C17orf67: variants seen among roughly 807,000 people sequenced by gnomAD.
C17orf67 encodes the protein uncharacterized protein C17orf67.
Under a neutral mutation model 11.2 loss-of-function variants are expected in C17orf67, and 12 were observed. That is an observed-to-expected ratio of 1.07 (90% CI 0.68 to 1.73). The LOEUF (loss-of-function observed/expected upper bound fraction) is 1.73, where lower values mean the gene tolerates loss of function less well. Ranked by LOEUF, C17orf67 falls within the 40% of genes most tolerant of loss-of-function variation. The probability of loss-of-function intolerance (pLI) is 0.00; values close to 1 mark genes in which losing one functional copy is unlikely to be tolerated. For synonymous variants in C17orf67, 59 were observed against 46.9 expected (o/e 1.26, Z -1.05); for missense variants, 115 against 113.5 (o/e 1.01, Z -0.06).
At chr17:56,801,011 C>T (rs1400877281) in intron 6 of C17orf67, among the ~76,000 whole-genome samples, 6 of 152,214 alleles carry the variant, frequency 3.9e-5, no homozygotes, top group Non-Finnish European at 2.9e-5. Context: ...ATCGTGCCAC[C>T]GCACTCCAGC....
intron 6 of C17orf67, among the ~76,000 whole-genome samples, chr17:56,811,258 A>G (rs1256708767): frequency 6.6e-6 from 1 of 152,198 alleles, no homozygotes; most frequent in Non-Finnish European, 1.5e-5. Flanking sequence ...TATAGATGAA[A>G]AAACTAGGCT....
At chr17:56,822,085 T>G (rs1363941759) in intron 4 of C17orf67, among the ~76,000 whole-genome samples, 1 of 152,258 alleles carries the variant, frequency 6.6e-6, no homozygotes, top group Non-Finnish European at 1.5e-5. Context: ...TTCAGCTGAC[T>G]TCCAGCTACC....
At chr17:56,821,047 C>A (rs796365451) in intron 4 of C17orf67, among the ~76,000 whole-genome samples, 3 of 152,008 alleles carry the variant, frequency 2.0e-5, no homozygotes, top group South Asian at 4.2e-4. Context: ...ATAGCTGGAA[C>A]CACAGGCGTG....
At chr17:56,815,034 G>T in intron 5 of C17orf67, 65 bp from the exon 6 acceptor site, 2 of 1,342,378 alleles carry the variant, frequency 1.5e-6, no homozygotes, top group Non-Finnish European at 2.1e-6. Context: ...CATCTCAACA[G>T]TCCAAGGCAA....
At chr17:56,806,656 G>A (rs1312633802) in intron 6 of C17orf67, among the ~76,000 whole-genome samples, 1 of 152,150 alleles carries the variant, frequency 6.6e-6, no homozygotes, top group Non-Finnish European at 1.5e-5. Context: ...CTCCTGAGTA[G>A]CTGGAACTAC....
intron 2 of C17orf67, among the ~76,000 whole-genome samples, chr17:56,832,136 C>T (rs1000203214): frequency 3.3e-5 from 5 of 152,070 alleles, no homozygotes; most frequent in African/African-American, 9.7e-5. Flanking sequence ...TTAGTAGAGA[C>T]GGGGTTTCAC....
chr17:56,818,269 T>C (rs1023809120), intron 4 of C17orf67, among the ~76,000 whole-genome samples: 1 of 152,240 alleles, frequency 6.6e-6, no homozygotes, highest in African/African-American at 2.4e-5. Context: ...AGAACACTAT[T>C]TTGTTTTATC....
chr17:56,829,388 A>G (rs1407278712), intron 2 of C17orf67, among the ~76,000 whole-genome samples: 1 of 152,216 alleles, frequency 6.6e-6, no homozygotes, highest in African/African-American at 2.4e-5. Context: ...AGCAACAAGA[A>G]GGGCTGGCAG....
intron 6 of C17orf67, among the ~76,000 whole-genome samples, chr17:56,799,400 G>A (rs889040257): frequency 3.9e-5 from 6 of 152,198 alleles, no homozygotes; most frequent in Non-Finnish European, 8.8e-5. Flanking sequence ...ATGTCTTTCC[G>A]TGGCTTGATA....
Position 56,792,224 on chromosome 17 carries a change from A to G in C17orf67, c.*149T>C, listed in dbSNP as rs1204080069. On this transcript the variant is annotated 3_prime_UTR_variant, in exon 8 of 8. Transcript: ENST00000397861. ...GCAGTATATATATTTGCCATTTCCA[A>G]GGCAATCTTTGATATGCCCACAGTT... 1 of 152,256 alleles carries G rather than the reference A, an allele frequency of 6.6e-6. No individual in the cohort carries two copies. The highest frequency in any genetic ancestry group is 2.4e-5 in the African/African-American group (1 of 41,460). The allele number at this position is 152,256 out of a possible 1,614,324, so 9.4% of individuals were successfully genotyped here. A position where few individuals can be genotyped will look rare whatever the true frequency, so the allele number is the denominator to read the frequency against.
At chr17:56,819,759 T>A (rs1331681649) in intron 4 of C17orf67, among the ~76,000 whole-genome samples, 1 of 152,164 alleles carries the variant, frequency 6.6e-6, no homozygotes, top group Non-Finnish European at 1.5e-5. Context: ...CTAAACCCCA[T>A]CCCGGTTCTC....
chr17:56,811,890 A>T (rs1905637526), intron 6 of C17orf67, among the ~76,000 whole-genome samples: 2 of 152,194 alleles, frequency 1.3e-5, no homozygotes, highest in Non-Finnish European at 2.9e-5. Flanking sequence ...GCTGGTACAC[A>T]CGTGGCTGAT....
chr17:56,822,446 G>A (rs892930664), intron 4 of C17orf67, among the ~76,000 whole-genome samples: 5 of 151,984 alleles, frequency 3.3e-5, no homozygotes. Flanking sequence ...TGACATTGGG[G>A]AAATTTCTTA....
chr17:56,829,495 C>T (rs981501174), intron 2 of C17orf67, among the ~76,000 whole-genome samples: 9 of 152,184 alleles, frequency 5.9e-5, no homozygotes, highest in African/African-American at 2.2e-4. Flanking sequence ...GAGCCAAGCC[C>T]TGCTGCTCCC....
intron 1 of C17orf67, 113 bp downstream of exon 1, chr17:56,833,505 G>T (rs1567804434): frequency 1.3e-5 from 2 of 150,576 alleles, no homozygotes; most frequent in South Asian, 4.2e-4. Flanking sequence ...CCGGGCTCGG[G>T]GTCAGCGGCG....
intron 2 of C17orf67, among the ~76,000 whole-genome samples, chr17:56,829,142 G>A (rs1041608868): frequency 4.6e-5 from 7 of 152,130 alleles, no homozygotes; most frequent in Admixed American, 2.6e-4. Context: ...CAGGCATGGT[G>A]GCGGGCGCCT....
At chr17:56,812,046 A>C (rs1166813052) in intron 6 of C17orf67, among the ~76,000 whole-genome samples, 4 of 152,238 alleles carry the variant, frequency 2.6e-5, no homozygotes, top group Admixed American at 1.3e-4. Context: ...TAAATTCCCC[A>C]GGTGGTTCCA....
chr17:56,815,751 C>T lies in C17orf67; in HGVS notation c.55+5G>A. ...AAATAGGCTGTTTTTGGAGTCAGTG[C>T]CCACCTGAGAAGACAGTCAGTAAGG... On this transcript the variant is annotated splice_donor_5th_base_variant and intron_variant, in intron 5 of 7. Coordinates refer to ENST00000397861, the MANE Select transcript of C17orf67 (RefSeq NM_001085430.4). 3 of 1,604,730 alleles carry T rather than the reference C, an allele frequency of 1.9e-6. No homozygotes were observed. Among genetic ancestry groups the T allele is most frequent in the Non-Finnish European group, 1.7e-6 (2 of 1,173,568 alleles).
intron 6 of C17orf67, among the ~76,000 whole-genome samples, chr17:56,797,079 C>T (rs747233193): frequency 1.7e-4 from 26 of 152,158 alleles, no homozygotes; most frequent in Non-Finnish European, 2.9e-4. Flanking sequence ...TGCCCTCCCA[C>T]CTTGGTCTAC....
Sources: allele counts gnomAD v4.1 joint callset (sites outside exome capture counted in the v4.1 genomes callset), GRCh38; gene constraint gnomAD v4.1.1; transcripts MANE v1.5; gene names NCBI Gene and HGNC (gene_info 2026-07-23, HGNC 2026-07-21).